Variants in PDE10A observed in about 807,000 individuals in gnomAD.
The protein encoded by PDE10A is cAMP and cAMP-inhibited cGMP 3',5'-cyclic phosphodiesterase 10A.
PDE10A carries 39 observed loss-of-function variants against 97.7 expected under a neutral mutation model. The ratio of observed to expected loss-of-function variants is 0.40; its 90% CI spans 0.31 to 0.52. PDE10A has a LOEUF of 0.52. Among genes scored for constraint, PDE10A ranks in the 20% least tolerant of loss-of-function variants. The pLI is 0.56. For missense variants in PDE10A, 731 were observed against 1,047.8 expected, an observed-to-expected ratio of 0.70 and a Z score of 4.17; for synonymous variants, 371 against 376.8, an observed-to-expected ratio of 0.98 and a Z score of 0.18.
At position 165,388,339 on chromosome 6, in the gene PDE10A, T is replaced by C; in HGVS notation, c.2569A>G (p.Met857Val). 6.2e-7 allele frequency: 1 copy of C among 1,614,022 alleles called. No homozygotes were observed. The highest frequency in any genetic ancestry group is 8.5e-7 in the Non-Finnish European group (1 of 1,179,944). ...GTCTGGGAGAAGTGGTGCTGCTCCA[T>C]GGTGGAAGTGGAGTAGAGAGCGGCC... ...PLAALYSTST[M>V]EQHHFSQTVS... is the part of the protein sequence containing the mutation. The change falls in exon 17 of 22, where the codon ATG becomes GTG. Residue 857 changes from methionine (M) to valine (V), a missense_variant. This residue lies in a region of PDE10A where 25 missense variants were observed against 83.7 expected (regional missense o/e 0.30). Coordinates refer to ENST00000539869, the MANE Select transcript of PDE10A (RefSeq NM_001385079.1). This position sits in a 1 kb window ranked among gnomAD's most constrained non-coding sequence, Gnocchi z 4.0.
chr6:165,674,868 A>T (rs1320381426), intron 1 of PDE10A, among the ~76,000 whole-genome samples: 2 of 152,154 alleles, frequency 1.3e-5, no homozygotes, highest in Non-Finnish European at 2.9e-5. Flanking sequence ...TTAAAGCTGG[A>T]AGTTTTTGTT....
intron 2 of PDE10A, among the ~76,000 whole-genome samples, chr6:165,541,166 G>A (rs1477307512): frequency 6.6e-6 from 1 of 152,136 alleles, no homozygotes; most frequent in East Asian, 1.9e-4. Context: ...TCCAGTGCTT[G>A]TATCCCTGTT....
intron 1 of PDE10A, among the ~76,000 whole-genome samples, chr6:165,979,628 C>G (rs527949111): frequency 6.6e-6 from 1 of 152,114 alleles, no homozygotes. Flanking sequence ...CCATTAGGTG[C>G]CAGGTACACT....
chr6:165,370,258 G>A (rs1314423413), intron 18 of PDE10A, among the ~76,000 whole-genome samples: 2 of 150,184 alleles, frequency 1.3e-5, no homozygotes, highest in African/African-American at 4.9e-5. Context: ...TGGACTAAAT[G>A]CTCCAATTAA....
At chr6:165,937,946 C>T (rs77943121) in intron 1 of PDE10A, among the ~76,000 whole-genome samples, 6,628 of 152,176 alleles carry the variant, frequency 0.044, 200 homozygotes, top group Non-Finnish European at 0.061. Flanking sequence ...TGAAGCCTGA[C>T]AATAAATGTT....
At chr6:165,932,093 A>T (rs1427198278) in intron 1 of PDE10A, among the ~76,000 whole-genome samples, 2 of 152,174 alleles carry the variant, frequency 1.3e-5, no homozygotes, top group African/African-American at 4.8e-5. Context: ...ATGCAGCTCC[A>T]CACAGGGGAC....
At chr6:165,483,296 A>G (rs925399077) in intron 2 of PDE10A, among the ~76,000 whole-genome samples, 6 of 152,248 alleles carry the variant, frequency 3.9e-5, no homozygotes, top group Admixed American at 6.5e-5. Context: ...ATGTAGCTCA[A>G]TGCTATAGGA....
intron 3 of PDE10A, among the ~76,000 whole-genome samples, chr6:165,482,106 T>C (rs1445286727): frequency 2.0e-5 from 3 of 152,354 alleles, no homozygotes; most frequent in East Asian, 1.9e-4. Flanking sequence ...CCGAACAAAA[T>C]GCATCTGTGT....
At chr6:165,679,458 G>T (rs191627033) in intron 1 of PDE10A, among the ~76,000 whole-genome samples, 6 of 152,178 alleles carry the variant, frequency 3.9e-5, no homozygotes, top group African/African-American at 1.4e-4. Flanking sequence ...GGGAAATCTG[G>T]ATTCTCACCG....
intron 1 of PDE10A, among the ~76,000 whole-genome samples, chr6:165,883,434 C>T (rs1466020638): frequency 3.3e-5 from 5 of 151,338 alleles, no homozygotes; most frequent in African/African-American, 4.9e-5. Flanking sequence ...CCCAGCTACT[C>T]AGGAGGCTGA....
chr6:165,703,777 C>A (rs1791637536), intron 1 of PDE10A, among the ~76,000 whole-genome samples: 1 of 152,252 alleles, frequency 6.6e-6, no homozygotes, highest in Non-Finnish European at 1.5e-5. Flanking sequence ...CATCTCCCTG[C>A]TTCCATCCCG....
At chr6:165,710,723 G>T (rs181652496) in intron 1 of PDE10A, among the ~76,000 whole-genome samples, 27 of 152,258 alleles carry the variant, frequency 1.8e-4, no homozygotes, top group African/African-American at 6.3e-4. Context: ...GTGAGTAAGG[G>T]TGTTACCGTC....
intron 1 of PDE10A, among the ~76,000 whole-genome samples, chr6:165,729,437 G>A (rs1300141792): frequency 6.7e-6 from 1 of 150,270 alleles, no homozygotes; most frequent in Non-Finnish European, 1.5e-5. Flanking sequence ...TTTTTAAAAG[G>A]ATTATATTGG....
intron 18 of PDE10A, among the ~76,000 whole-genome samples, chr6:165,357,769 T>C (rs1010500139): frequency 1.8e-4 from 27 of 152,004 alleles, no homozygotes; most frequent in African/African-American, 6.5e-4. Flanking sequence ...TTAGTCAGAA[T>C]TGTATCCATT....
chr6:165,974,864 C>T (rs1784802258), intron 1 of PDE10A, among the ~76,000 whole-genome samples: 1 of 152,216 alleles, frequency 6.6e-6, no homozygotes, highest in Non-Finnish European at 1.5e-5. Context: ...ACTGTCGTGC[C>T]TCTCTGCACA....
intron 1 of PDE10A, among the ~76,000 whole-genome samples, chr6:165,689,747 T>A (rs1326850732): frequency 1.3e-5 from 2 of 152,130 alleles, no homozygotes; most frequent in Non-Finnish European, 2.9e-5. Flanking sequence ...ATGAGCCAAA[T>A]AAACCTCTTA....
intron 1 of PDE10A, among the ~76,000 whole-genome samples, chr6:165,633,508 A>G (rs1196850197): frequency 2.6e-5 from 4 of 152,262 alleles, no homozygotes; most frequent in African/African-American, 9.6e-5. Context: ...AATTGAGGGG[A>G]AAAATGAAAT....
chr6:165,963,293 AT>A (rs1453624914), intron 1 of PDE10A, among the ~76,000 whole-genome samples: 1 of 152,210 alleles, frequency 6.6e-6, no homozygotes, highest in Non-Finnish European at 1.5e-5. Context: ...TTATTTACTA[AT>A]GACTTACATC....
At chr6:165,556,043 A>T (rs542909175) in intron 1 of PDE10A, among the ~76,000 whole-genome samples, 1 of 152,378 alleles carries the variant, frequency 6.6e-6, no homozygotes, top group African/African-American at 2.4e-5. Context: ...TTAAGAAAAA[A>T]ATCAGGTATG....
Sources: allele counts gnomAD v4.1 joint callset (sites outside exome capture counted in the v4.1 genomes callset), GRCh38; gene constraint gnomAD v4.1.1; regional missense constraint gnomAD v4.1.1; non-coding constraint Gnocchi (gnomAD v3.1); transcripts MANE v1.5; gene names NCBI Gene and HGNC (gene_info 2026-07-23, HGNC 2026-07-21).